Variants in PACRG observed in about 807,000 individuals in gnomAD.
The protein encoded by PACRG is parkin coregulated.
In PACRG, 29 loss-of-function variants were observed where a neutral mutation model predicts 29.7. That is an observed-to-expected ratio of 0.98 (90% CI 0.73 to 1.33). The LOEUF is 1.33. PACRG is among the 40% of genes most tolerant of loss of function. PACRG has a pLI of 0.00. For missense variants in PACRG, 279 were observed against 316.2 expected, an observed-to-expected ratio of 0.88 and a Z score of 0.89; for synonymous variants, 116 against 118.7, an observed-to-expected ratio of 0.98 and a Z score of 0.15.
chr6:162,763,558 G>A (rs1265615843), intron 1 of PACRG, among the ~76,000 whole-genome samples: 1 of 152,196 alleles, frequency 6.6e-6, no homozygotes, highest in South Asian at 2.1e-4. Flanking sequence ...AGAGTTTAAC[G>A]ATATTCACAG....
At chr6:162,946,262 A>T (rs561603751) in intron 2 of PACRG, among the ~76,000 whole-genome samples, 1 of 152,036 alleles carries the variant, frequency 6.6e-6, no homozygotes, top group African/African-American at 2.4e-5. Context: ...CAAGGAAAAA[A>T]AAATGAAAAG....
chr6:163,303,961 A>T (rs1290391111), intron 4 of PACRG, among the ~76,000 whole-genome samples: 1 of 145,932 alleles, frequency 6.9e-6, no homozygotes, highest in Non-Finnish European at 1.5e-5. Context: ...GGTTGCAGCG[A>T]GCCGAGATTG....
chr6:162,730,074 T>TTA (rs1341712193), intron 1 of PACRG, among the ~76,000 whole-genome samples: 3 of 152,074 alleles, frequency 2.0e-5, no homozygotes, highest in African/African-American at 7.2e-5. Context: ...TTTTTTTTTT[T>TTA]TTTAATACCC....
intron 4 of PACRG, among the ~76,000 whole-genome samples, chr6:163,257,561 C>T (rs1562342755): frequency 6.6e-6 from 1 of 152,162 alleles, no homozygotes; most frequent in African/African-American, 2.4e-5. Context: ...TGCTGTTTCT[C>T]TATGTTTTCA....
chr6:162,795,827 T>C lies in PACRG; in HGVS notation c.157-18320T>C, dbSNP rs534357926. Among the ~76,000 whole-genome samples the C allele has an allele frequency of 2.0e-5, 3 of 152,330 alleles. No homozygotes were observed. The East Asian group carries it at 5.8e-4, about 29-fold the overall frequency. On this transcript the variant is annotated intron_variant, in intron 1 of 4. Transcript: ENST00000366888. ...TTGTACATTTATTACATTTTTCCCA[T>C]GTACTTTATTTTTTGTTACTATAAT...
At chr6:162,911,188 T>C (rs1362169110) in intron 2 of PACRG, among the ~76,000 whole-genome samples, 4 of 152,268 alleles carry the variant, frequency 2.6e-5, no homozygotes, top group African/African-American at 9.6e-5. Context: ...TACATTCATT[T>C]ATTTCTGCTT....
chr6:162,751,406 G>T (rs1781505423), intron 1 of PACRG, among the ~76,000 whole-genome samples: 1 of 152,024 alleles, frequency 6.6e-6, no homozygotes, highest in Non-Finnish European at 1.5e-5. Flanking sequence ...GTGTCTAATT[G>T]TCATTTGTTT....
chr6:162,920,921 T>C (rs1797021736), intron 2 of PACRG, among the ~76,000 whole-genome samples: 2 of 152,238 alleles, frequency 1.3e-5, no homozygotes, highest in Non-Finnish European at 2.9e-5. Flanking sequence ...AAATAAATGC[T>C]GTTCATATTA....
At chr6:162,828,800 C>G (rs1289743035) in intron 2 of PACRG, among the ~76,000 whole-genome samples, 1 of 151,838 alleles carries the variant, frequency 6.6e-6, no homozygotes, top group African/African-American at 2.4e-5. Flanking sequence ...GCAGTGATAT[C>G]AAAAAGAATA....
At chr6:163,195,342 C>T (rs1461711320) in intron 4 of PACRG, among the ~76,000 whole-genome samples, 1 of 152,122 alleles carries the variant, frequency 6.6e-6, no homozygotes, top group African/African-American at 2.4e-5. Flanking sequence ...GAGAGTGCTG[C>T]CAAAGAGAAG....
intron 4 of PACRG, among the ~76,000 whole-genome samples, chr6:163,122,651 C>T (rs970388959): frequency 2.6e-5 from 4 of 152,192 alleles, no homozygotes; most frequent in Admixed American, 6.5e-5. Context: ...ACTGGTGCCA[C>T]GCTTCCTGTG....
intron 2 of PACRG, among the ~76,000 whole-genome samples, chr6:162,838,250 G>A (rs1331451486): frequency 6.6e-6 from 1 of 152,184 alleles, no homozygotes; most frequent in Admixed American, 6.5e-5. Flanking sequence ...TCATCTGTCA[G>A]TCCAGTGGGT....
intron 2 of PACRG, among the ~76,000 whole-genome samples, chr6:162,852,076 G>A (rs1349904529): frequency 6.6e-6 from 1 of 151,980 alleles, no homozygotes; most frequent in Non-Finnish European, 1.5e-5. Context: ...TTTGTCATTA[G>A]AAGTATTACT....
At chr6:163,120,658 T>C (rs1166148661) in intron 4 of PACRG, among the ~76,000 whole-genome samples, 1 of 152,150 alleles carries the variant, frequency 6.6e-6, no homozygotes, top group East Asian at 1.9e-4. Context: ...CAAAAGTAGT[T>C]CTACTTTTGT....
chr6:163,072,495 A>G (rs796791908), intron 3 of PACRG, among the ~76,000 whole-genome samples: 1 of 152,182 alleles, frequency 6.6e-6, no homozygotes, highest in Non-Finnish European at 1.5e-5. Context: ...ACTCACAGCT[A>G]GTATCACACT....
chr6:163,232,524 G>C (rs1464534936), intron 4 of PACRG, among the ~76,000 whole-genome samples: 2 of 152,194 alleles, frequency 1.3e-5, no homozygotes, highest in Admixed American at 6.5e-5. Flanking sequence ...GAAGGGAAAG[G>C]TGGGAAGGTG....
At chr6:163,059,495 C>T (rs991195223) in intron 2 of PACRG, among the ~76,000 whole-genome samples, 5 of 152,122 alleles carry the variant, frequency 3.3e-5, no homozygotes, top group Non-Finnish European at 7.3e-5. Context: ...ATATTAGAAT[C>T]AGACAAACTG....
At chr6:163,086,378 G>A (rs1813558182) in intron 3 of PACRG, among the ~76,000 whole-genome samples, 1 of 152,122 alleles carries the variant, frequency 6.6e-6, no homozygotes, top group Non-Finnish European at 1.5e-5. Flanking sequence ...CTAAATGATA[G>A]CATTCTAATT....
intron 2 of PACRG, among the ~76,000 whole-genome samples, chr6:162,933,803 A>C (rs575126808): frequency 4.6e-5 from 7 of 152,076 alleles, no homozygotes; most frequent in Non-Finnish European, 7.4e-5. Context: ...TCTACTAGAA[A>C]GTTCAGGATT....
Sources: gnomAD v4.1 joint callset for allele counts (sites outside exome capture counted in the v4.1 genomes callset) on GRCh38, gnomAD v4.1.1 for gene constraint, MANE v1.5 for transcripts, NCBI Gene and HGNC (gene_info 2026-07-23, HGNC 2026-07-21) for gene names.